CDH6: variants seen among roughly 807,000 people sequenced by gnomAD.
CDH6 encodes the protein cadherin-6.
CDH6 carries 31 observed loss-of-function variants against 78.0 expected under a neutral mutation model. That is an observed-to-expected ratio of 0.40 (90% CI 0.30 to 0.54). The LOEUF (loss-of-function observed/expected upper bound fraction) is 0.54. Among genes scored for constraint, CDH6 ranks in the 20% least tolerant of loss-of-function variants. CDH6 has a pLI of 0.56. For synonymous variants in CDH6, 376 were observed against 368.8 expected (o/e 1.02, Z -0.23); for missense variants, 724 against 975.9 (o/e 0.74, Z 3.44).
At chr5:31,232,805 G>A (rs758634511) in intron 1 of CDH6, among the ~76,000 whole-genome samples, 2 of 152,092 alleles carry the variant, frequency 1.3e-5, no homozygotes, top group Non-Finnish European at 2.9e-5. Context: ...CACTTATATG[G>A]CACTTATGCT....
intron 1 of CDH6, among the ~76,000 whole-genome samples, chr5:31,238,638 A>G (rs1368517035): frequency 1.3e-5 from 2 of 152,246 alleles, no homozygotes; most frequent in East Asian, 3.8e-4. Flanking sequence ...GTAAAAATAG[A>G]TGTAAAAGTT....
intron 1 of CDH6, among the ~76,000 whole-genome samples, chr5:31,218,858 AC>A (rs1740934693): frequency 6.6e-6 from 1 of 151,996 alleles, no homozygotes; most frequent in African/African-American, 2.4e-5. Flanking sequence ...CACAGCACTA[AC>A]CCACTCTCAT....
At chr5:31,290,100 T>C (rs948543303) in intron 2 of CDH6, among the ~76,000 whole-genome samples, 1 of 152,096 alleles carries the variant, frequency 6.6e-6, no homozygotes, top group Non-Finnish European at 1.5e-5. Flanking sequence ...CTACTAAAAA[T>C]ACACAAAAAA....
intron 1 of CDH6, among the ~76,000 whole-genome samples, chr5:31,218,755 G>A (rs1346458533): frequency 6.6e-6 from 1 of 152,088 alleles, no homozygotes; most frequent in East Asian, 1.9e-4. Context: ...TCTGTCTCTT[G>A]CTTCTGTGAA....
chr5:31,212,116 G>C (rs13156356), intron 1 of CDH6, among the ~76,000 whole-genome samples: 27 of 152,070 alleles, frequency 1.8e-4, no homozygotes, highest in Non-Finnish European at 3.2e-4. Flanking sequence ...CATTTCTCTC[G>C]TGCAGTTTCC....
chr5:31,285,048 T>TTGTAGATCCAA (rs1742975099), intron 2 of CDH6, among the ~76,000 whole-genome samples: 1 of 152,248 alleles, frequency 6.6e-6, no homozygotes, highest in East Asian at 1.9e-4. Context: ...TGTATTGAGC[T>TTGTAGATCCAA]TCTAATCCTC....
rs372438420 is a variant in CDH6 at position 31,302,814 on chromosome 5, A to G, written c.999+516A>G. Among the ~76,000 whole-genome samples, 4 of 138,884 alleles carry G rather than the reference A, an allele frequency of 2.9e-5. No homozygotes were observed. The East Asian group carries it at 8.1e-4, about 28-fold the overall frequency. The allele number at this position is 138,884 out of a possible 152,430, so 91.1% of individuals were successfully genotyped here. On this transcript the variant is annotated intron_variant, in intron 6 of 11. Transcript: ENST00000265071. ...AGAGAGAGAGAGAAAGAAAGAAAGAAAGAAAGAAAGAAAGAAAGAAAGAAA... is the reference window on the plus strand; with the variant it reads ...AGAGAGAGAGAGAAAGAAAGAAAGAGAGAAAGAAAGAAAGAAAGAAAGAAA...
intron 1 of CDH6, among the ~76,000 whole-genome samples, chr5:31,211,626 TG>T (rs1740707715): frequency 6.6e-6 from 1 of 151,354 alleles, no homozygotes; most frequent in Non-Finnish European, 1.5e-5. Flanking sequence ...ATCTATTATC[TG>T]GGTAATTTTA....
intron 7 of CDH6, among the ~76,000 whole-genome samples, chr5:31,307,666 A>G (rs976162323): frequency 6.6e-5 from 10 of 152,252 alleles, no homozygotes; most frequent in Non-Finnish European, 1.3e-4. Flanking sequence ...GTAACTGCAT[A>G]AGGAAAAAAA....
intron 1 of CDH6, among the ~76,000 whole-genome samples, chr5:31,265,301 C>T (rs914444470): frequency 5.3e-5 from 8 of 152,118 alleles, no homozygotes; most frequent in African/African-American, 1.9e-4. Flanking sequence ...ACCCCTGTAC[C>T]AAGGCTGCAT....
intron 1 of CDH6, among the ~76,000 whole-genome samples, chr5:31,252,898 G>A (rs1275452358): frequency 6.6e-6 from 1 of 152,024 alleles, no homozygotes; most frequent in East Asian, 1.9e-4. Context: ...ATTAAAATCA[G>A]TACTGGCTAA....
chr5:31,284,466 G>C (rs1339878262), intron 2 of CDH6, among the ~76,000 whole-genome samples: 1 of 152,248 alleles, frequency 6.6e-6, no homozygotes, highest in Non-Finnish European at 1.5e-5. Context: ...AAAGCAGAGT[G>C]GGTTTTTCCC....
chr5:31,286,264 T>C (rs1221502186), intron 2 of CDH6, among the ~76,000 whole-genome samples: 4 of 152,192 alleles, frequency 2.6e-5, no homozygotes, highest in African/African-American at 9.6e-5. Context: ...GGAAAACAGC[T>C]GTGAAACACA....
At chr5:31,235,147 C>G (rs1741416769) in intron 1 of CDH6, among the ~76,000 whole-genome samples, 1 of 151,876 alleles carries the variant, frequency 6.6e-6, no homozygotes, top group African/African-American at 2.4e-5. Context: ...CCCATTCAAT[C>G]CTAGATCCTA....
At chr5:31,256,903 C>T (rs2149927814) in intron 1 of CDH6, among the ~76,000 whole-genome samples, 1 of 152,130 alleles carries the variant, frequency 6.6e-6, no homozygotes, top group South Asian at 2.1e-4. Context: ...AAACAAGAGC[C>T]GAGAGAGGTG....
chr5:31,237,657 A>G (rs1311407658), intron 1 of CDH6, among the ~76,000 whole-genome samples: 3 of 152,226 alleles, frequency 2.0e-5, no homozygotes, highest in African/African-American at 7.2e-5. Flanking sequence ...AGGTAAGAGA[A>G]TGGATATGAC....
At chr5:31,240,765 G>T (rs188917378) in intron 1 of CDH6, among the ~76,000 whole-genome samples, 1 of 152,186 alleles carries the variant, frequency 6.6e-6, no homozygotes, top group Non-Finnish European at 1.5e-5. Flanking sequence ...TAGAGAAAAT[G>T]GGCGTGTCAT....
intron 2 of CDH6, among the ~76,000 whole-genome samples, chr5:31,289,950 G>T (rs1743110879): frequency 1.3e-5 from 2 of 151,700 alleles, no homozygotes; most frequent in African/African-American, 4.9e-5. Flanking sequence ...GTGTTTATTT[G>T]CCAAGATGCT....
intron 1 of CDH6, among the ~76,000 whole-genome samples, chr5:31,234,973 T>C (rs1216496964): frequency 2.6e-5 from 4 of 152,094 alleles, no homozygotes; most frequent in Non-Finnish European, 5.9e-5. Flanking sequence ...TATCCACAAG[T>C]GTGTAATATG....
Sources: gnomAD v4.1 joint callset for allele counts (sites outside exome capture counted in the v4.1 genomes callset) on GRCh38, gnomAD v4.1.1 for gene constraint, MANE v1.5 for transcripts, NCBI Gene and HGNC (gene_info 2026-07-23, HGNC 2026-07-21) for gene names.